Variants in TET2 observed in about 807,000 individuals in gnomAD.
TET2 encodes the protein methylcytosine dioxygenase TET2.
TET2 carries 299 observed loss-of-function variants against 142.9 expected under a neutral mutation model. The observed-to-expected ratio is 2.09, with a 90% CI of 1.90 to 2.30. TET2 has a LOEUF of 2.30. TET2 is among the 30% of genes most tolerant of loss of function. The pLI, the probability that TET2 is intolerant of heterozygous loss-of-function variation, is 0.00. For synonymous variants in TET2, 819 were observed against 849.0 expected, an observed-to-expected ratio of 0.96 and a Z score of 0.61; for missense variants, 2,418 against 2,378.0, an observed-to-expected ratio of 1.02 and a Z score of -0.35.
rs1553942671 is a variant in TET2 at position 105,163,854 on chromosome 4, A to AGAGAGAGTGT, written c.-193+16876_-193+16877insAGAGAGTGTG. On this transcript the variant is annotated intron_variant, in intron 1 of 10. Transcript: ENST00000380013. ...GAGAGAGAGAGAGAGAGAGAGAGAG[A>AGAGAGAGTGT]GTGTGTGTGTGTGTGTGTGTGTGTG... is the stretch of plus-strand genomic sequence containing the variant. Among the ~76,000 whole-genome samples the AGAGAGAGTGT allele has an allele frequency of 4.0e-3, 343 of 85,136 alleles. 2 individuals are homozygous for AGAGAGAGTGT. Among genetic ancestry groups the AGAGAGAGTGT allele is most frequent in the Non-Finnish European group, 6.7e-3 (279 of 41,538 alleles). The allele number at this position is 85,136 out of a possible 152,430, so 55.9% of individuals were successfully genotyped here.
At chr4:105,175,738 G>A (rs1300563189) in intron 1 of TET2, among the ~76,000 whole-genome samples, 1 of 151,812 alleles carries the variant, frequency 6.6e-6, no homozygotes, top group East Asian at 1.9e-4. Flanking sequence ...ACACCAAGCA[G>A]GATAAATGTC....
intron 1 of TET2, among the ~76,000 whole-genome samples, chr4:105,180,789 GCCA>G (rs1725076592): frequency 6.6e-6 from 1 of 152,046 alleles, no homozygotes; most frequent in South Asian, 2.1e-4. Flanking sequence ...ACAGGCATGT[GCCA>G]CCACACCTGG....
At chr4:105,180,531 G>A (rs1240929660) in intron 1 of TET2, among the ~76,000 whole-genome samples, 2 of 151,912 alleles carry the variant, frequency 1.3e-5, no homozygotes, top group Non-Finnish European at 2.9e-5. Context: ...CTTATTTACT[G>A]CATTTAGAAT....
At chr4:105,197,760 A>G (rs1726177251) in intron 2 of TET2, among the ~76,000 whole-genome samples, 1 of 152,216 alleles carries the variant, frequency 6.6e-6, no homozygotes. Flanking sequence ...TTTAGAACAA[A>G]ATAAAATCAT....
intron 2 of TET2, among the ~76,000 whole-genome samples, chr4:105,207,768 TTTTCATATGC>T (rs930987121): frequency 6.6e-5 from 10 of 152,192 alleles, no homozygotes; most frequent in Non-Finnish European, 1.5e-4. Context: ...ATTTAGAATA[TTTTCATATGC>T]TTTCATATGT....
rs1217294284 is a variant in TET2, at chr4:105,201,758, T to TTC, written c.-47+11253_-47+11254insTC. 1.6e-3 allele frequency among the ~76,000 whole-genome samples: 228 copies of TTC among 146,016 alleles called. 5 individuals carry two copies. The highest frequency in any genetic ancestry group is 9.1e-3 in the South Asian group (40 of 4,378). On this transcript the variant is annotated intron_variant, in intron 2 of 10. Coordinates refer to ENST00000380013, the MANE Select transcript of TET2 (RefSeq NM_001127208.3). ...TTTTTTTTTTTTTTTTTTTTTTTTT[T>TTC]CAGACAGGGTTTCACTCCTGTTGCC...
intron 2 of TET2, among the ~76,000 whole-genome samples, chr4:105,210,736 C>G (rs1006147439): frequency 6.6e-6 from 1 of 152,130 alleles, no homozygotes. Context: ...TAATCCATTA[C>G]CAAGTTGTTC....
At chr4:105,173,689 T>G (rs17430167) in intron 1 of TET2, among the ~76,000 whole-genome samples, 10,431 of 152,218 alleles carry the variant, frequency 0.069, 462 homozygotes, top group Non-Finnish European at 0.1. Context: ...GGTTTGCTGA[T>G]TTGTTTTCTC....
intron 2 of TET2, among the ~76,000 whole-genome samples, chr4:105,216,876 A>G (rs1578637883): frequency 6.6e-6 from 1 of 152,192 alleles, no homozygotes; most frequent in South Asian, 2.1e-4. Context: ...ATACAGCGTG[A>G]TGTGAATTTA....
chr4:105,163,411 CAG>C (rs1175371225), intron 1 of TET2, among the ~76,000 whole-genome samples: 1 of 152,124 alleles, frequency 6.6e-6, no homozygotes, highest in African/African-American at 2.4e-5. Context: ...TTTAGAGACT[CAG>C]TAACCCCATT....
chr4:105,265,163 T>G (rs1282125976), intron 8 of TET2, among the ~76,000 whole-genome samples: 2 of 152,224 alleles, frequency 1.3e-5, no homozygotes, highest in African/African-American at 4.8e-5. Context: ...GACAAATGCT[T>G]CTAAGAGAGC....
chr4:105,223,994 G>C (rs1182409275), intron 2 of TET2, among the ~76,000 whole-genome samples: 1 of 151,674 alleles, frequency 6.6e-6, no homozygotes, highest in Non-Finnish European at 1.5e-5. Context: ...TGTAGTATTA[G>C]GACATGCAAA....
intron 1 of TET2, among the ~76,000 whole-genome samples, chr4:105,163,786 T>A (rs1723975086): frequency 6.8e-6 from 1 of 146,576 alleles, no homozygotes; most frequent in African/African-American, 2.5e-5. Flanking sequence ...AGCAGTCTGG[T>A]GTTTGGAGCT....
At chr4:105,147,269 C>T (rs746004278) in intron 1 of TET2, among the ~76,000 whole-genome samples, 6 of 152,236 alleles carry the variant, frequency 3.9e-5, no homozygotes, top group African/African-American at 1.4e-4. Flanking sequence ...GCCGGTTTCC[C>T]GGCCTTTTTT....
chr4:105,161,499 T>C (rs1723856557), intron 1 of TET2, among the ~76,000 whole-genome samples: 1 of 152,236 alleles, frequency 6.6e-6, no homozygotes, highest in Non-Finnish European at 1.5e-5. Context: ...AAATTACTTA[T>C]GAGTATACTT....
chr4:105,218,706 T>TG (rs1293616008), intron 2 of TET2, among the ~76,000 whole-genome samples: 4 of 152,080 alleles, frequency 2.6e-5, no homozygotes, highest in African/African-American at 9.6e-5. Flanking sequence ...ATTCTTGTTC[T>TG]GACTGTGTCT....
At chr4:105,155,122 T>C (rs958736073) in intron 1 of TET2, among the ~76,000 whole-genome samples, 2 of 152,214 alleles carry the variant, frequency 1.3e-5, no homozygotes, top group African/African-American at 2.4e-5. Flanking sequence ...TGGGGGGTTA[T>C]TAATGTCTTA....
intron 2 of TET2, among the ~76,000 whole-genome samples, chr4:105,214,352 G>A (rs1427096810): frequency 7.4e-6 from 1 of 134,806 alleles, no homozygotes; most frequent in Non-Finnish European, 1.5e-5. Flanking sequence ...TGTCACCCAG[G>A]CTGGAGTGCA....
intron 3 of TET2, chr4:105,239,074 G>GTTTTTTTGTGTT (rs60653050): frequency 5.2e-5 from 11 of 211,958 alleles, no homozygotes; most frequent in East Asian, 3.0e-4. Context: ...TTTGTTTTTT[G>GTTTTTTTGTGTT]TTTTTTTTTT....
Sources: gnomAD v4.1 joint callset for allele counts (sites outside exome capture counted in the v4.1 genomes callset) on GRCh38, gnomAD v4.1.1 for gene constraint, MANE v1.5 for transcripts, NCBI Gene and HGNC (gene_info 2026-07-23, HGNC 2026-07-21) for gene names.